PROX1: variants seen among roughly 807,000 people sequenced by gnomAD.
PROX1 encodes the protein prospero homeobox 1.
In PROX1, 7 loss-of-function variants were observed where a neutral mutation model predicts 58.8. The ratio of observed to expected loss-of-function variants is 0.12; its 90% CI spans 0.07 to 0.22. PROX1 has a LOEUF of 0.22. PROX1 is among the 10% of genes least tolerant of loss of function. The pLI, the probability that PROX1 is intolerant of heterozygous loss-of-function variation, is 1.00. For synonymous variants in PROX1, 350 were observed against 358.3 expected (o/e 0.98, Z 0.26); for missense variants, 675 against 927.8 (o/e 0.73, Z 3.54).
At chr1:214,034,293 A>C (rs1348100208) in intron 4 of PROX1, among the ~76,000 whole-genome samples, 1 of 152,234 alleles carries the variant, frequency 6.6e-6, no homozygotes, top group Admixed American at 6.5e-5. Context: ...GAGATGAAAC[A>C]TGTTCAACAT....
chr1:214,024,253 T>C (rs191517558), intron 4 of PROX1, among the ~76,000 whole-genome samples: 1 of 152,300 alleles, frequency 6.6e-6, no homozygotes, highest in African/African-American at 2.4e-5. Flanking sequence ...AGCTCTTAAG[T>C]AGCATTTGAA....
intron 2 of PROX1, among the ~76,000 whole-genome samples, chr1:213,999,492 T>C (rs979357517): frequency 1.3e-5 from 2 of 152,190 alleles, no homozygotes; most frequent in African/African-American, 4.8e-5. Context: ...GGTGGAAATA[T>C]GTTTTCCTGG....
intron 2 of PROX1, among the ~76,000 whole-genome samples, chr1:214,000,399 T>C (rs150097170): frequency 3.9e-4 from 60 of 152,360 alleles, no homozygotes; most frequent in African/African-American, 1.4e-3. Context: ...TCAAAGGCTT[T>C]AAAGAAAATA....
rs1471508163 is a variant in PROX1 at position 214,016,103 on chromosome 1, G to C, written c.2028+4388G>C. On this transcript the variant is annotated intron_variant, in intron 4 of 4. Coordinates refer to ENST00000366958, the MANE Select transcript of PROX1 (RefSeq NM_001270616.2). ...GAGACTGTGGGTTTGACATTTTTCT[G>C]GGTGACACATGACAGGGAAGAAGGG... Among the ~76,000 whole-genome samples the C allele has an allele frequency of 2.6e-5, 4 of 152,082 alleles. No homozygotes were observed. In the East Asian group the frequency reaches 7.7e-4, roughly 29 times the overall value.
At chr1:214,026,327 C>A (rs1664457138) in intron 4 of PROX1, among the ~76,000 whole-genome samples, 1 of 152,130 alleles carries the variant, frequency 6.6e-6, no homozygotes, top group Non-Finnish European at 1.5e-5. Context: ...CGTTCACTGA[C>A]CAAATTTCAG....
In PROX1 at chr1:213,997,417, G is replaced by A; in HGVS notation, c.882G>A (p.Arg294=). 6.2e-7 allele frequency: 1 copy of A among 1,614,054 alleles called. No individual in the cohort carries two copies. Among genetic ancestry groups the A allele is most frequent in the Non-Finnish European group, 8.5e-7 (1 of 1,180,026 alleles). Residue 294 remains arginine, a synonymous_variant, in exon 2 of 5, where the codon AGG becomes AGA. Coordinates refer to ENST00000366958, the MANE Select transcript of PROX1 (RefSeq NM_001270616.2). This position sits in a 1 kb window ranked among gnomAD's most constrained non-coding sequence, Gnocchi z 7.1. ...LDARAQDSVG[R]SDNEMCELDP... is the part of the protein sequence containing the mutation. Reference sequence around the variant, plus strand: ...CCAGGGCCCAGGACTCTGTCGGAAGGTCAGATAATGAGATGTGCGAGCTAG... The same window carrying A: ...CCAGGGCCCAGGACTCTGTCGGAAGATCAGATAATGAGATGTGCGAGCTAG...
chr1:213,999,147 G>A (rs1270147998), intron 2 of PROX1, among the ~76,000 whole-genome samples: 1 of 152,162 alleles, frequency 6.6e-6, no homozygotes, highest in Non-Finnish European at 1.5e-5. Flanking sequence ...TGACGTTTAT[G>A]TAGAGATAAC....
At chr1:214,034,464 T>G (rs1298107624) in intron 4 of PROX1, among the ~76,000 whole-genome samples, 1 of 152,218 alleles carries the variant, frequency 6.6e-6, no homozygotes, top group Non-Finnish European at 1.5e-5. Context: ...ACTTTACTGG[T>G]GTATAAGTAC....
intron 1 of PROX1, among the ~76,000 whole-genome samples, chr1:213,990,332 G>A (rs340835): frequency 0.38 from 56,189 of 148,620 alleles, 11,426 homozygotes; most frequent in South Asian, 0.5. Context: ...CTCGAGGGTT[G>A]GAGAGGTTTA....
Position 214,035,883 on chromosome 1 carries a change from G to A in PROX1, c.*49G>A, listed in dbSNP as rs199685959. On this transcript the variant is annotated 3_prime_UTR_variant, in exon 5 of 5. Transcript: ENST00000366958. Reference sequence around the variant, plus strand: ...TGTATGAAGAGTAGCAGTCCCCTTTGGATGTCCAAGTTATATGTGTCTAGA... The same window carrying A: ...TGTATGAAGAGTAGCAGTCCCCTTTAGATGTCCAAGTTATATGTGTCTAGA... 3 of 1,509,854 alleles carry A rather than the reference G, an allele frequency of 2.0e-6. No homozygotes were observed. The African/African-American group carries it at 4.2e-5, about 21-fold the overall frequency. The allele number at this position is 1,509,854 out of a possible 1,614,324, so 93.5% of individuals were successfully genotyped here.
chr1:214,034,701 A>C (rs930020343), intron 4 of PROX1, among the ~76,000 whole-genome samples: 1 of 152,166 alleles, frequency 6.6e-6, no homozygotes, highest in Non-Finnish European at 1.5e-5. Flanking sequence ...CAACACACAT[A>C]CATATTAATT....
chr1:214,016,927 C>T (rs1019062792), intron 4 of PROX1, among the ~76,000 whole-genome samples: 1 of 152,168 alleles, frequency 6.6e-6, no homozygotes, highest in African/African-American at 2.4e-5. Flanking sequence ...CATTGGGTTA[C>T]ATTCAAGCAC....
chr1:213,989,048 A>G (rs1662919584), intron 1 of PROX1, among the ~76,000 whole-genome samples: 1 of 151,958 alleles, frequency 6.6e-6, no homozygotes, highest in South Asian at 2.1e-4. Flanking sequence ...TGTTTATTAT[A>G]GCTGCCTTTC....
chr1:214,024,510 T>A (rs1213003559), intron 4 of PROX1, among the ~76,000 whole-genome samples: 2 of 152,178 alleles, frequency 1.3e-5, no homozygotes, highest in Non-Finnish European at 2.9e-5. Flanking sequence ...CTCTGTCTGA[T>A]TTCCTACCAT....
chr1:214,032,940 A>G (rs966800193), intron 4 of PROX1, among the ~76,000 whole-genome samples: 1 of 152,216 alleles, frequency 6.6e-6, no homozygotes, highest in Non-Finnish European at 1.5e-5. Context: ...AAAATGATGA[A>G]GAGGAGACTG....
At chr1:214,024,276 C>T (rs1023132105) in intron 4 of PROX1, among the ~76,000 whole-genome samples, 2 of 152,194 alleles carry the variant, frequency 1.3e-5, no homozygotes, top group South Asian at 2.1e-4. Context: ...ACAGCCCATC[C>T]TTAGTTTTGC....
At position 214,003,497 on chromosome 1, in the gene PROX1, C is replaced by T. The variant is rs769111404; in HGVS notation, c.1726-1668C>T. Among the ~76,000 whole-genome samples, 6 of 152,170 alleles carry T rather than the reference C, an allele frequency of 3.9e-5. No individual in the cohort carries two copies. In the South Asian group the frequency reaches 1.0e-3, roughly 26 times the overall value. The stretch of plus-strand genomic sequence containing the variant: ...GAGGGCCTTTCAGCCCTCTCCTTGG[C>T]ACAAGAAGTATGTCAGTCATAAATT... On this transcript the variant is annotated intron_variant, in intron 2 of 4. Transcript: ENST00000366958.
chr1:214,015,843 G>A (rs1383989049), intron 4 of PROX1, among the ~76,000 whole-genome samples: 3 of 152,090 alleles, frequency 2.0e-5, no homozygotes, highest in East Asian at 1.9e-4. Flanking sequence ...TGTTTCCCAC[G>A]CCATGGTAAG....
chr1:214,000,625 T>C (rs567184751), intron 2 of PROX1, among the ~76,000 whole-genome samples: 3 of 152,238 alleles, frequency 2.0e-5, no homozygotes, highest in Admixed American at 6.5e-5. Context: ...CCTATTCTTT[T>C]CCCCCCTCTA....
Sources: allele counts gnomAD v4.1 joint callset (sites outside exome capture counted in the v4.1 genomes callset), GRCh38; gene constraint gnomAD v4.1.1; non-coding constraint Gnocchi (gnomAD v3.1); transcripts MANE v1.5; gene names NCBI Gene and HGNC (gene_info 2026-07-23, HGNC 2026-07-21).